SNX29: variants seen among roughly 807,000 people sequenced by gnomAD.
SNX29 encodes the protein sorting nexin-29.
Under a neutral mutation model 102.1 loss-of-function variants are expected in SNX29, and 78 were observed. That is an observed-to-expected ratio of 0.76 (90% CI 0.64 to 0.92). The LOEUF is 0.92. Ranked by LOEUF, SNX29 falls within the 40% of genes least tolerant of loss-of-function variation. SNX29 has a pLI of 0.00. For synonymous variants in SNX29, 580 were observed against 414.5 expected (o/e 1.40, Z -4.85); for missense variants, 1,280 against 1,061.7 (o/e 1.21, Z -2.86).
chr16:12,138,165 C>A (rs1355749980), intron 13 of SNX29, among the ~76,000 whole-genome samples: 1 of 149,706 alleles, frequency 6.7e-6, no homozygotes, highest in East Asian at 2.0e-4. Context: ...GCCAAGATGG[C>A]AGCATTGTAC....
At chr16:12,473,095 G>A (rs976476562) in intron 18 of SNX29, among the ~76,000 whole-genome samples, 5 of 152,126 alleles carry the variant, frequency 3.3e-5, no homozygotes, top group African/African-American at 4.8e-5. Flanking sequence ...GGAGGGGAGA[G>A]GCTTTTAAAA....
chr16:12,506,935 G>C (rs376482917), intron 19 of SNX29, among the ~76,000 whole-genome samples: 1 of 151,746 alleles, frequency 6.6e-6, no homozygotes, highest in African/African-American at 2.4e-5. Context: ...TTTTGCATTC[G>C]TTTGTCTGAC....
intron 11 of SNX29, among the ~76,000 whole-genome samples, chr16:12,084,293 C>T (rs1230687923): frequency 1.3e-5 from 2 of 152,048 alleles, no homozygotes; most frequent in Non-Finnish European, 2.9e-5. Flanking sequence ...TTACAGATGC[C>T]CGCCACCACA....
intron 1 of SNX29, among the ~76,000 whole-genome samples, chr16:11,995,931 G>T (rs542223089): frequency 1.4e-4 from 22 of 152,128 alleles, no homozygotes; most frequent in Non-Finnish European, 2.9e-4. Context: ...GTGGTGGTGC[G>T]TGCCTGTAAT....
At chr16:12,286,148 G>T (rs995818693) in intron 15 of SNX29, among the ~76,000 whole-genome samples, 2 of 144,944 alleles carry the variant, frequency 1.4e-5, no homozygotes, top group African/African-American at 2.5e-5. Flanking sequence ...TGTCCTGTTT[G>T]TTTTTTTTTT....
chr16:11,980,789 T>C, intron 1 of SNX29, among the ~76,000 whole-genome samples: 1 of 152,172 alleles, frequency 6.6e-6, no homozygotes, highest in Admixed American at 6.6e-5. Context: ...TGACCAATTG[T>C]GTATCCTCCT....
intron 20 of SNX29, among the ~76,000 whole-genome samples, chr16:12,532,822 C>T (rs532678079): frequency 1.3e-5 from 2 of 152,186 alleles, no homozygotes; most frequent in Admixed American, 6.5e-5. Flanking sequence ...ACAGCCTGGT[C>T]AGCCTAGCGA....
chr16:12,504,701 T>A (rs1225110204), intron 19 of SNX29, among the ~76,000 whole-genome samples: 1 of 152,242 alleles, frequency 6.6e-6, no homozygotes, highest in Middle Eastern at 3.2e-3. Flanking sequence ...ATTGTTCTAT[T>A]TGATTATTGT....
At chr16:12,135,713 C>CA in intron 13 of SNX29, 1 of 888,414 alleles carries the variant, frequency 1.1e-6, no homozygotes, top group Non-Finnish European at 1.6e-6. Flanking sequence ...TGTATGTGAG[C>CA]CAATAAATTG....
intron 5 of SNX29, among the ~76,000 whole-genome samples, chr16:12,045,628 T>C (rs1005408619): frequency 6.9e-6 from 1 of 145,372 alleles, no homozygotes; most frequent in African/African-American, 2.5e-5. Flanking sequence ...ATTATTATTA[T>C]TATTATTATT....
At chr16:12,121,334 C>T (rs2053962704) in intron 11 of SNX29, among the ~76,000 whole-genome samples, 2 of 152,258 alleles carry the variant, frequency 1.3e-5, no homozygotes, top group African/African-American at 4.8e-5. Flanking sequence ...CACAAGGGCA[C>T]AGAACCCCAT....
chr16:12,061,472 G>C, intron 8 of SNX29, 56 bp from the exon 9 acceptor site: 14 of 1,431,884 alleles, frequency 9.8e-6, no homozygotes, highest in Non-Finnish European at 1.3e-5. Flanking sequence ...TTGTTGGTGA[G>C]TCATGCGGCC....
chr16:12,323,778 C>T (rs1326754257), intron 15 of SNX29, among the ~76,000 whole-genome samples: 1 of 152,128 alleles, frequency 6.6e-6, no homozygotes, highest in Non-Finnish European at 1.5e-5. Flanking sequence ...CCCTGTGCCT[C>T]GTCTTCTTCA....
chr16:12,141,383 A>T (rs1345587062), intron 13 of SNX29, among the ~76,000 whole-genome samples: 1 of 152,220 alleles, frequency 6.6e-6, no homozygotes, highest in Non-Finnish European at 1.5e-5. Context: ...GTCTTGATTC[A>T]GATCCCAAGA....
chr16:12,112,683 G>C lies in SNX29; in HGVS notation c.1403-13950G>C, dbSNP rs149831821. 4.9e-3 allele frequency among the ~76,000 whole-genome samples: 739 copies of C among 152,300 alleles called. 4 individuals are homozygous for C. Among genetic ancestry groups the C allele is most frequent in the African/African-American group, 0.016 (676 of 41,568 alleles). The stretch of plus-strand genomic sequence containing the variant: ...CTTGTCTGAGCTGGGTTTTCAGTGT[G>C]AGTTTCGAGTGAAAGGGTGCTAAAT... On this transcript the variant is annotated intron_variant, in intron 11 of 20. Coordinates refer to ENST00000566228, the MANE Select transcript of SNX29 (RefSeq NM_032167.5).
At position 12,070,003 on chromosome 16, in the gene SNX29, A is replaced by G. The variant is rs530848950; in HGVS notation, c.1319+871A>G. ...TTTCTTAATTTAAATATTTGTTGATATTTGATAACAAGATTTGACCATCCT... is the reference window on the plus strand; with the variant it reads ...TTTCTTAATTTAAATATTTGTTGATGTTTGATAACAAGATTTGACCATCCT... On this transcript the variant is annotated intron_variant, in intron 10 of 20. Coordinates refer to ENST00000566228, the MANE Select transcript of SNX29 (RefSeq NM_032167.5). Among the ~76,000 whole-genome samples, 3 of 152,294 alleles carry G rather than the reference A, an allele frequency of 2.0e-5. No individual in the cohort carries two copies. In the East Asian group the frequency reaches 5.8e-4, roughly 29 times the overall value.
At chr16:12,565,812 C>T (rs1205629986) in intron 20 of SNX29, among the ~76,000 whole-genome samples, 1 of 152,202 alleles carries the variant, frequency 6.6e-6, no homozygotes, top group Non-Finnish European at 1.5e-5. Context: ...CAACCCTCAG[C>T]TCACTTCTGG....
chr16:12,556,334 C>T (rs1028308254), intron 20 of SNX29: 4 of 152,234 alleles, frequency 2.6e-5, no homozygotes, highest in African/African-American at 7.2e-5. Context: ...CCAGGACAGA[C>T]CACTTGGACT....
chr16:12,068,412 T>C (rs919435001), intron 9 of SNX29, among the ~76,000 whole-genome samples: 2 of 145,334 alleles, frequency 1.4e-5, no homozygotes, highest in Non-Finnish European at 3.0e-5. Context: ...CACTGGAGCC[T>C]GGGAGGTTGA....
Sources: allele counts gnomAD v4.1 joint callset (sites outside exome capture counted in the v4.1 genomes callset), GRCh38; gene constraint gnomAD v4.1.1; transcripts MANE v1.5; gene names NCBI Gene and HGNC (gene_info 2026-07-23, HGNC 2026-07-21).